VWF: variants seen among roughly 807,000 people sequenced by gnomAD.
The protein encoded by VWF is von Willebrand factor.
VWF carries 176 observed loss-of-function variants against 308.6 expected under a neutral mutation model. The ratio of observed to expected loss-of-function variants is 0.57; its 90% CI spans 0.50 to 0.65. VWF has a LOEUF of 0.65. Ranked by LOEUF, VWF falls within the 30% of genes least tolerant of loss-of-function variation. VWF has a pLI of 0.00. For missense variants in VWF, 3,146 were observed against 3,648.2 expected, an observed-to-expected ratio of 0.86 and a Z score of 3.55; for synonymous variants, 1,385 against 1,443.4, an observed-to-expected ratio of 0.96 and a Z score of 0.92.
intron 47 of VWF, among the ~76,000 whole-genome samples, chr12:5,956,641 GAA>G (rs532557839): frequency 5.7e-5 from 6 of 105,478 alleles, no homozygotes; most frequent in Admixed American, 2.1e-4. Context: ...ACCCTGTCTC[GAA>G]AAAAAAAAAA....
In VWF at chr12:5,981,996, G is replaced by A; in HGVS notation, c.7082-5C>T. On this transcript the variant is annotated splice_region_variant and splice_polypyrimidine_tract_variant and intron_variant, in intron 41 of 51. Coordinates refer to ENST00000261405, the MANE Select transcript of VWF (RefSeq NM_000552.5). ...TGCACTCCTCCTTCCTGCAGGCTGA[G>A]GGTAGGACAAGGCCACACTGAGCAC... 1 of 1,613,250 alleles carries A rather than the reference G, an allele frequency of 6.2e-7. No individual in the cohort carries two copies. Among genetic ancestry groups the A allele is most frequent in the Non-Finnish European group, 8.5e-7 (1 of 1,179,908 alleles).
At chr12:5,978,205 C>T (rs917401894) in intron 42 of VWF, among the ~76,000 whole-genome samples, 2 of 150,934 alleles carry the variant, frequency 1.3e-5, no homozygotes, top group African/African-American at 4.9e-5. Flanking sequence ...AGTATTTACA[C>T]AAATATCCCC....
rs144072210 is a variant in VWF at position 5,996,214 on chromosome 12, T to C, written c.5851A>G (p.Thr1951Ala). ...ACGATGTGCCGAGTGGAGCTGCCTG[T>C]GCACACGCCTGGACAGAGAGAAGCA... ...GCRWTCPCVCTGSSTRHIVTF... is the reference protein window; with the variant it reads ...GCRWTCPCVCAGSSTRHIVTF... The change falls in exon 35 of 52, where the codon ACA (threonine) becomes GCA (alanine). Residue 1951 changes from threonine to alanine, a missense_variant. By Grantham distance (58) the Thr-to-Ala change is moderately conservative. Coordinates refer to ENST00000261405, the MANE Select transcript of VWF (RefSeq NM_000552.5). The C allele has an allele frequency of 4.4e-4, 705 of 1,611,706 alleles. 1 individual carries two copies. Among genetic ancestry groups the C allele is most frequent in the Non-Finnish European group, 4.9e-4 (579 of 1,179,096 alleles).
chr12:6,083,789 G>A (rs2136484458), intron 6 of VWF, among the ~76,000 whole-genome samples: 1 of 152,308 alleles, frequency 6.6e-6, no homozygotes, highest in South Asian at 2.1e-4. Context: ...GCAGCCATAT[G>A]ACTAAGCAAT....
chr12:6,005,337 ATTC>A (rs1243423294), intron 34 of VWF, among the ~76,000 whole-genome samples: 4 of 152,216 alleles, frequency 2.6e-5, no homozygotes, highest in Non-Finnish European at 4.4e-5. Flanking sequence ...TATGATTATT[ATTC>A]TTATCTCACA....
At chr12:5,985,199 A>G (rs1187661324) in intron 39 of VWF, 80 bp from the exon 40 acceptor site, 2 of 1,438,762 alleles carry the variant, frequency 1.4e-6, no homozygotes, top group Non-Finnish European at 2.0e-6. Flanking sequence ...GTTCTTGCTC[A>G]CTGAAAACTA....
chr12:5,966,284 C>CAT, intron 47 of VWF, among the ~76,000 whole-genome samples: 1 of 151,898 alleles, frequency 6.6e-6, no homozygotes, highest in South Asian at 2.1e-4. Context: ...AATACACACA[C>CAT]ACACACGCAC....
intron 47 of VWF, among the ~76,000 whole-genome samples, chr12:5,958,942 G>A (rs1943281005): frequency 6.6e-6 from 1 of 152,032 alleles, no homozygotes; most frequent in Admixed American, 6.6e-5. Context: ...GTGGCTGGGT[G>A]CGGTGGCTCA....
chr12:6,073,056 G>A (rs1432176654), intron 8 of VWF, among the ~76,000 whole-genome samples: 8 of 151,986 alleles, frequency 5.3e-5, no homozygotes, highest in South Asian at 2.1e-4. Context: ...TAGTGGAGAC[G>A]GGATTTCACC....
At chr12:5,991,705 G>GT (rs1373333668) in intron 38 of VWF, 114 bp downstream of exon 38, 2 of 1,149,692 alleles carry the variant, frequency 1.7e-6, no homozygotes, top group African/African-American at 3.0e-5. Context: ...AATGATCCCC[G>GT]TAAGAGTCAA....
Position 6,058,889 on chromosome 12 carries a change from G to C in VWF, c.1534-845C>G, listed in dbSNP as rs534616125. Reference sequence around the variant, plus strand: ...CCCACACAGCTGGGGGCATCTGCTGGTTTCTACGGAGAGGACCCCGATTTG... The same window carrying C: ...CCCACACAGCTGGGGGCATCTGCTGCTTTCTACGGAGAGGACCCCGATTTG... On this transcript the variant is annotated intron_variant, in intron 13 of 51. Transcript: ENST00000261405. The surrounding 1 kb of genome is among the most constrained non-coding windows in gnomAD (Gnocchi z 4.9). Among the ~76,000 whole-genome samples, 9 of 152,318 alleles carry C rather than the reference G, an allele frequency of 5.9e-5. No individual in the cohort carries two copies. The highest frequency in any genetic ancestry group is 2.2e-4 in the African/African-American group (9 of 41,568).
chr12:6,001,187 A>G (rs192895378), intron 34 of VWF, among the ~76,000 whole-genome samples: 8 of 152,344 alleles, frequency 5.3e-5, no homozygotes, highest in Admixed American at 3.9e-4. Flanking sequence ...TAATGACAGG[A>G]ACAAAAGCAT....
intron 18 of VWF, among the ~76,000 whole-genome samples, chr12:6,040,850 G>T (rs560802709): frequency 7.9e-5 from 12 of 152,270 alleles, no homozygotes; most frequent in African/African-American, 2.9e-4. Context: ...AAAGAGAGGG[G>T]TTCTTTCTCT....
At chr12:6,057,289 G>A (rs71582860) in intron 14 of VWF, among the ~76,000 whole-genome samples, 10,375 of 150,854 alleles carry the variant, frequency 0.069, 419 homozygotes, top group East Asian at 0.15. Flanking sequence ...GACTGGGAAG[G>A]TCGAAGGACG....
At chr12:5,971,296 G>C (rs1277520124) in intron 44 of VWF, among the ~76,000 whole-genome samples, 2 of 152,194 alleles carry the variant, frequency 1.3e-5, no homozygotes, top group African/African-American at 4.8e-5. Context: ...GGGGTGGTGA[G>C]GCCATCCCAA....
At chr12:5,984,822 T>G (rs999228330) in intron 40 of VWF, among the ~76,000 whole-genome samples, 1 of 152,234 alleles carries the variant, frequency 6.6e-6, no homozygotes, top group Non-Finnish European at 1.5e-5. Flanking sequence ...GTATTAATCC[T>G]GTCAAACCTG....
rs1488901959 is a variant in VWF, at chr12:5,992,055, C to A, written c.6599-37G>T. 3 of 1,596,976 alleles carry A rather than the reference C, an allele frequency of 1.9e-6. No homozygotes were observed. The South Asian group carries it at 3.3e-5, about 18-fold the overall frequency. ...GAAGGAGGTCACTTGCAAAGGCCCA[C>A]ACCAGCCAGAGTGAAATGGGCACAG... is the stretch of plus-strand genomic sequence containing the variant. On this transcript the variant is annotated intron_variant, in intron 37 of 51. Coordinates refer to ENST00000261405, the MANE Select transcript of VWF (RefSeq NM_000552.5).
intron 3 of VWF, among the ~76,000 whole-genome samples, chr12:6,120,056 T>C (rs967839071): frequency 2.0e-5 from 3 of 152,132 alleles, no homozygotes; most frequent in Non-Finnish European, 4.4e-5. Context: ...AAAGCAGGAA[T>C]GCGGGGAGCT....
chr12:5,987,470 C>A (rs983333293), intron 38 of VWF, among the ~76,000 whole-genome samples: 1 of 152,240 alleles, frequency 6.6e-6, no homozygotes, highest in East Asian at 1.9e-4. Flanking sequence ...CCAGACACCA[C>A]AGGCCTAGCC....
Sources: gnomAD v4.1 joint callset for allele counts (sites outside exome capture counted in the v4.1 genomes callset) on GRCh38, gnomAD v4.1.1 for gene constraint, Gnocchi (gnomAD v3.1) non-coding constraint, MANE v1.5 for transcripts, NCBI Gene and HGNC (gene_info 2026-07-23, HGNC 2026-07-21) for gene names.